Variants in CADPS observed in about 807,000 individuals in gnomAD.
CADPS encodes calcium dependent secretion activator, also known as calcium-dependent secretion activator 1.
In CADPS, 57 loss-of-function variants were observed where a neutral mutation model predicts 167.3. The ratio of observed to expected loss-of-function variants is 0.34; its 90% CI spans 0.28 to 0.42. CADPS has a LOEUF of 0.42. Ranked by LOEUF, CADPS falls within the 20% of genes least tolerant of loss-of-function variation. The pLI is 1.00. For missense variants in CADPS, 1,414 were observed against 1,738.1 expected, an observed-to-expected ratio of 0.81 and a Z score of 3.32; for synonymous variants, 676 against 635.3, an observed-to-expected ratio of 1.06 and a Z score of -0.96.
chr3:62,835,539 C>T lies in CADPS; in HGVS notation c.441+39050G>A, dbSNP rs573600913. The stretch of plus-strand genomic sequence containing the variant: ...AAAACATGGGGCCTTGTAAATTAAA[C>T]ATCAGTTCCCTTTATCATCATGTGT... On this transcript the variant is annotated intron_variant, in intron 1 of 29. Transcript: ENST00000383710. Among the ~76,000 whole-genome samples, 5 of 152,266 alleles carry T rather than the reference C, an allele frequency of 3.3e-5. No homozygotes were observed. The South Asian group carries it at 8.3e-4, about 25-fold the overall frequency.
intron 28 of CADPS, among the ~76,000 whole-genome samples, chr3:62,406,787 A>T (rs753731068): frequency 2.0e-5 from 3 of 152,198 alleles, no homozygotes; most frequent in Non-Finnish European, 4.4e-5. Flanking sequence ...ATCATAGACA[A>T]CAGGGCCCTT....
chr3:62,830,307 G>T (rs2074848457), intron 1 of CADPS, among the ~76,000 whole-genome samples: 1 of 152,068 alleles, frequency 6.6e-6, no homozygotes, highest in Non-Finnish European at 1.5e-5. Context: ...TCCGGGTTTT[G>T]ACATTTTTAC....
At chr3:62,673,565 G>T (rs968904959) in intron 3 of CADPS, among the ~76,000 whole-genome samples, 7 of 152,138 alleles carry the variant, frequency 4.6e-5, no homozygotes, top group Admixed American at 1.3e-4. Flanking sequence ...ATTATGTTAT[G>T]AACTGTGAGA....
intron 4 of CADPS, among the ~76,000 whole-genome samples, chr3:62,653,307 C>A (rs1056442639): frequency 2.6e-5 from 4 of 152,104 alleles, no homozygotes; most frequent in Admixed American, 6.5e-5. Flanking sequence ...CCTCGGAGAG[C>A]TGCTCATTTG....
At chr3:62,610,159 T>C (rs2061302730) in intron 6 of CADPS, among the ~76,000 whole-genome samples, 1 of 152,044 alleles carries the variant, frequency 6.6e-6, no homozygotes, top group Non-Finnish European at 1.5e-5. Context: ...CCCCAAGTGG[T>C]TGAATTTGGA....
chr3:62,623,119 G>A (rs538524874), intron 6 of CADPS, among the ~76,000 whole-genome samples: 1 of 152,294 alleles, frequency 6.6e-6, no homozygotes, highest in East Asian at 1.9e-4. Context: ...CGGTGATATG[G>A]AAGGTAAGTG....
intron 3 of CADPS, among the ~76,000 whole-genome samples, chr3:62,688,621 C>A (rs187264666): frequency 1.2e-4 from 18 of 152,204 alleles, no homozygotes; most frequent in African/African-American, 3.4e-4. Context: ...TAGTTAAGAG[C>A]CTCATTTTAT....
intron 1 of CADPS, among the ~76,000 whole-genome samples, chr3:62,784,494 T>C (rs191793155): frequency 3.3e-5 from 5 of 152,276 alleles, no homozygotes; most frequent in Admixed American, 3.3e-4. Context: ...ATGTAGGCAA[T>C]TGTCACTGAT....
At chr3:62,550,713 C>T (rs62243510) in intron 10 of CADPS, 33,364 of 436,590 alleles carry the variant, frequency 0.076, 1,518 homozygotes, top group Middle Eastern at 0.18. Context: ...GCCTTACAAC[C>T]CCTCCAATCA....
intron 6 of CADPS, among the ~76,000 whole-genome samples, chr3:62,626,747 T>G (rs2064164012): frequency 6.6e-6 from 1 of 152,162 alleles, no homozygotes. Flanking sequence ...TACTCTATAT[T>G]TACAATCAGA....
chr3:62,415,312 A>T (rs2149315946), intron 28 of CADPS, among the ~76,000 whole-genome samples: 1 of 152,206 alleles, frequency 6.6e-6, no homozygotes, highest in South Asian at 2.1e-4. Context: ...CACATACAGA[A>T]AAACATCTGC....
intron 1 of CADPS, among the ~76,000 whole-genome samples, chr3:62,863,600 T>G (rs748282693): frequency 2.1e-4 from 32 of 151,822 alleles, no homozygotes; most frequent in Non-Finnish European, 1.8e-4. Flanking sequence ...TGGGCTGAAG[T>G]GAAGGGTGTG....
intron 6 of CADPS, among the ~76,000 whole-genome samples, chr3:62,593,107 G>T (rs547986584): frequency 6.6e-6 from 1 of 152,294 alleles, no homozygotes; most frequent in South Asian, 2.1e-4. Flanking sequence ...CTCATTCATG[G>T]AAACTGCAGT....
At chr3:62,848,070 A>G (rs929394933) in intron 1 of CADPS, among the ~76,000 whole-genome samples, 1 of 133,832 alleles carries the variant, frequency 7.5e-6, no homozygotes, top group Non-Finnish European at 1.6e-5. Context: ...GGCTGCATAA[A>G]TGTCTTCTTT....
chr3:62,756,979 T>C (rs2084084972), intron 2 of CADPS, among the ~76,000 whole-genome samples: 1 of 152,158 alleles, frequency 6.6e-6, no homozygotes, highest in Admixed American at 6.5e-5. Context: ...TTGAAAGTTT[T>C]AAGCTGGGAC....
chr3:62,856,171 T>C lies in CADPS; in HGVS notation c.441+18418A>G, dbSNP rs138420975. Among the ~76,000 whole-genome samples, 9 of 152,284 alleles carry C rather than the reference T, an allele frequency of 5.9e-5. No homozygotes were observed. In the East Asian group the frequency reaches 1.7e-3, roughly 29 times the overall value. Reference sequence around the variant, plus strand: ...CTCAGGTGTATTAGAGAGTAGTCCATTAGCCCTGAGCTCCCATGTTTTGCA... The same window carrying C: ...CTCAGGTGTATTAGAGAGTAGTCCACTAGCCCTGAGCTCCCATGTTTTGCA... On this transcript the variant is annotated intron_variant, in intron 1 of 29. Transcript: ENST00000383710.
At chr3:62,585,345 G>A in intron 7 of CADPS, 21 bp from the exon 8 acceptor site, 1 of 1,591,984 alleles carries the variant, frequency 6.3e-7, no homozygotes, top group Non-Finnish European at 8.5e-7. Flanking sequence ...AAAAGGACAA[G>A]CAACTAGAAA....
intron 3 of CADPS, among the ~76,000 whole-genome samples, chr3:62,698,945 T>C (rs980031174): frequency 6.6e-6 from 1 of 151,760 alleles, no homozygotes; most frequent in Non-Finnish European, 1.5e-5. Flanking sequence ...TTTTGTTTTT[T>C]GTCACTACGG....
intron 1 of CADPS, among the ~76,000 whole-genome samples, chr3:62,851,229 A>G (rs1161295163): frequency 7.1e-6 from 1 of 140,428 alleles, no homozygotes; most frequent in Non-Finnish European, 1.5e-5. Flanking sequence ...TCTTTATCCA[A>G]CTTGCCAGTC....
Sources: gnomAD v4.1 joint callset for allele counts (sites outside exome capture counted in the v4.1 genomes callset) on GRCh38, gnomAD v4.1.1 for gene constraint, MANE v1.5 for transcripts, NCBI Gene and HGNC (gene_info 2026-07-23, HGNC 2026-07-21) for gene names.